The following NFATC1 variants were observed in gnomAD, a reference collection of about 807,000 sequenced individuals.
NFATC1 encodes the protein nuclear factor of activated T-cells, cytoplasmic 1.
NFATC1 carries 22 observed loss-of-function variants against 76.0 expected under a neutral mutation model. The ratio of observed to expected loss-of-function variants is 0.29; its 90% CI spans 0.21 to 0.41. NFATC1 has a LOEUF of 0.41. Ranked by LOEUF, NFATC1 falls within the 10% of genes least tolerant of loss-of-function variation. The pLI, the probability that NFATC1 is intolerant of heterozygous loss-of-function variation, is 1.00. For missense variants in NFATC1, 1,357 were observed against 1,337.7 expected (o/e 1.01, Z -0.23); for synonymous variants, 704 against 613.1 (o/e 1.15, Z -2.19).
intron 8 of NFATC1, among the ~76,000 whole-genome samples, chr18:79,475,037 A>G (rs576448): frequency 7.8e-6 from 1 of 128,688 alleles, no homozygotes; most frequent in African/African-American, 3.3e-5. Flanking sequence ...GCGTGTTCTC[A>G]CGCTCACTGT....
intron 6 of NFATC1, among the ~76,000 whole-genome samples, chr18:79,460,187 G>T (rs2087988448): frequency 6.6e-6 from 1 of 152,196 alleles, no homozygotes. Context: ...CCTCCACCCA[G>T]GCAGCAGCCC....
chr18:79,492,931 T>C (rs1345118420), intron 9 of NFATC1, among the ~76,000 whole-genome samples: 1 of 146,842 alleles, frequency 6.8e-6, no homozygotes, highest in African/African-American at 2.6e-5. Flanking sequence ...TTTTTTAGGA[T>C]TTCTTTGCTT....
intron 5 of NFATC1, 137 bp from the exon 6 acceptor site, chr18:79,451,539 C>T (rs1050224157): frequency 1.7e-5 from 16 of 920,812 alleles, no homozygotes; most frequent in African/African-American, 1.0e-4. Flanking sequence ...TAGTGGCATC[C>T]GCAGGGGTCG....
chr18:79,429,886 G>A (rs2144643562), intron 2 of NFATC1, among the ~76,000 whole-genome samples: 1 of 152,378 alleles, frequency 6.6e-6, no homozygotes, highest in African/African-American at 2.4e-5. Flanking sequence ...CTTCACCTAT[G>A]AGGGTTCTCG....
At chr18:79,498,598 A>G (rs1028609556) in intron 9 of NFATC1, among the ~76,000 whole-genome samples, 3 of 152,356 alleles carry the variant, frequency 2.0e-5, no homozygotes, top group South Asian at 2.1e-4. Flanking sequence ...AGATGATTAG[A>G]AGAAATACGT....
intron 2 of NFATC1, among the ~76,000 whole-genome samples, chr18:79,431,666 C>T (rs1271419199): frequency 6.6e-6 from 1 of 152,128 alleles, no homozygotes; most frequent in African/African-American, 2.4e-5. Flanking sequence ...TTTGGGATTA[C>T]AGGCATGAGC....
Position 79,410,611 on chromosome 18 carries a change from C to A in NFATC1, c.336C>A (p.Ala112=). The A allele has an allele frequency of 6.2e-7, 1 of 1,612,974 alleles. No homozygotes were observed. The highest frequency in any genetic ancestry group is 1.1e-5 in the South Asian group (1 of 91,086). ...LSSGHTRPDG[A]PALESPRIEI... ...CCGGCCACACCAGGCCTGATGGGGC[C>A]CCTGCCCTGGAGAGTCCTCGCATCG... Residue 112 remains alanine, a synonymous_variant, in exon 2 of 10, where the codon GCC becomes GCA. Coordinates refer to ENST00000427363, the MANE Select transcript of NFATC1 (RefSeq NM_001278669.2). The surrounding 1 kb of genome is among the most constrained non-coding windows in gnomAD (Gnocchi z 6.7).
intron 8 of NFATC1, among the ~76,000 whole-genome samples, chr18:79,482,651 G>A (rs1366065123): frequency 1.5e-5 from 2 of 130,312 alleles, no homozygotes; most frequent in Non-Finnish European, 3.3e-5. Context: ...CGTTCCTGGG[G>A]TGTAATTCCA....
At chr18:79,525,643 G>A (rs73973415) in intron 9 of NFATC1, among the ~76,000 whole-genome samples, 9,330 of 152,252 alleles carry the variant, frequency 0.061, 299 homozygotes, top group Middle Eastern at 0.082. Context: ...TTTCCCCTGT[G>A]TTGATCATTT....
At chr18:79,423,165 G>T (rs1395748323) in intron 2 of NFATC1, among the ~76,000 whole-genome samples, 2 of 152,080 alleles carry the variant, frequency 1.3e-5, no homozygotes, top group African/African-American at 4.8e-5. Flanking sequence ...CTGTGTCCTG[G>T]TCGTACTCCA....
chr18:79,505,529 GCT>G (rs1433125009), intron 9 of NFATC1, among the ~76,000 whole-genome samples: 1 of 49,846 alleles, frequency 2.0e-5, no homozygotes, highest in Admixed American at 1.6e-4. Flanking sequence ...AGGAGGTGGT[GCT>G]GGAGGCCCTT....
At chr18:79,400,459 GCGCCGC>G (rs2085163541) in intron 1 of NFATC1, 1 of 1,488,732 alleles carries the variant, frequency 6.7e-7, no homozygotes, top group African/African-American at 1.5e-5. Flanking sequence ...CGCGACGAGG[GCGCCGC>G]CGCGGCCGCC....
At chr18:79,474,348 T>C (rs571575748) in intron 8 of NFATC1, among the ~76,000 whole-genome samples, 1 of 129,744 alleles carries the variant, frequency 7.7e-6, no homozygotes, top group East Asian at 2.4e-4. Flanking sequence ...CTGTCGACGT[T>C]GTAAACCTGA....
chr18:79,396,703 A>T (rs1190154026), intron 1 of NFATC1, among the ~76,000 whole-genome samples: 1 of 152,140 alleles, frequency 6.6e-6, no homozygotes, highest in African/African-American at 2.4e-5. Context: ...GGAGGGAGGA[A>T]GGGAGGCTTC....
chr18:79,423,427 C>T (rs971440201), intron 2 of NFATC1, among the ~76,000 whole-genome samples: 1 of 152,246 alleles, frequency 6.6e-6, no homozygotes, highest in African/African-American at 2.4e-5. Flanking sequence ...AGGCGGCGTC[C>T]TGGGCTCCCT....
At chr18:79,421,199 C>T (rs977160745) in intron 2 of NFATC1, 1 of 152,274 alleles carries the variant, frequency 6.6e-6, no homozygotes, top group African/African-American at 2.4e-5. Context: ...GTGCCTTTGT[C>T]CCCTCTGACC....
chr18:79,396,341 A>C lies in NFATC1; in HGVS notation c.117A>C (p.Ser39=), dbSNP rs1344847585. Residue 39 remains serine, a synonymous_variant, in exon 1 of 10, where the codon TCA becomes TCC. Transcript: ENST00000427363. Reference sequence around the variant, plus strand: ...CGCGCGCCGGCGGCACCATGAAGTCAGCGGAGGAAGGTAAGCCCCGCGCGG... The same window carrying C: ...CGCGCGCCGGCGGCACCATGAAGTCCGCGGAGGAAGGTAAGCCCCGCGCGG... The part of the protein sequence containing the change: ...PAPRAGGTMK[S]AEEEHYGYAS... 3.2e-5 allele frequency: 44 copies of C among 1,385,396 alleles called. No individual in the cohort carries two copies. The highest frequency in any genetic ancestry group is 3.9e-5 in the Non-Finnish European group (41 of 1,052,742). 85.8% of individuals were successfully genotyped at this position (1,385,396 alleles called of 1,614,324 possible).
intron 8 of NFATC1, chr18:79,467,993 TA>T: frequency 2.0e-6 from 2 of 1,008,898 alleles, no homozygotes. Context: ...ACTTTGCTTT[TA>T]AGCCTGTAGT....
chr18:79,473,692 TCA>T (rs1263604492), intron 8 of NFATC1, among the ~76,000 whole-genome samples: 2 of 149,080 alleles, frequency 1.3e-5, no homozygotes, highest in African/African-American at 4.9e-5. Flanking sequence ...AAGCGTGTTC[TCA>T]CACTCACTGT....
Sources: allele counts gnomAD v4.1 joint callset (sites outside exome capture counted in the v4.1 genomes callset), GRCh38; gene constraint gnomAD v4.1.1; non-coding constraint Gnocchi (gnomAD v3.1); transcripts MANE v1.5; gene names NCBI Gene and HGNC (gene_info 2026-07-23, HGNC 2026-07-21).